The following CAPS2 variants were observed in gnomAD, a reference collection of about 807,000 sequenced individuals.
The protein encoded by CAPS2 is calcyphosin-2.
CAPS2 carries 98 observed loss-of-function variants against 86.5 expected under a neutral mutation model. The observed-to-expected ratio is 1.13, with a 90% CI of 0.96 to 1.34. The LOEUF (loss-of-function observed/expected upper bound fraction) is 1.34. CAPS2 is among the 40% of genes most tolerant of loss of function. The pLI is 0.00. For missense variants in CAPS2, 729 were observed against 686.8 expected (o/e 1.06, Z -0.69); for synonymous variants, 210 against 225.1 (o/e 0.93, Z 0.60).
chr12:75,277,129 G>T (rs1205580356), downstream of CAPS2: 1 of 982,190 alleles, frequency 1.0e-6, no homozygotes, highest in African/African-American at 1.8e-5. Context: ...AACCACATGT[G>T]AATGCTTATG....
intron 7 of CAPS2, among the ~76,000 whole-genome samples, chr12:75,311,190 G>A (rs986758158): frequency 6.6e-6 from 1 of 152,106 alleles, no homozygotes; most frequent in African/African-American, 2.4e-5. Flanking sequence ...ACCAGTAAGA[G>A]GCAAATGCAG....
At chr12:75,299,064 C>G in intron 9 of CAPS2, 98 bp from the exon 10 acceptor site, 1 of 746,632 alleles carries the variant, frequency 1.3e-6, no homozygotes, top group Non-Finnish European at 2.1e-6. Flanking sequence ...AGCTAACTCT[C>G]TTATGTATGT....
chr12:75,348,561 A>G (rs1463814575), intron 1 of CAPS2, among the ~76,000 whole-genome samples: 1 of 152,234 alleles, frequency 6.6e-6, no homozygotes, highest in African/African-American at 2.4e-5. Flanking sequence ...AAGGAGACTA[A>G]TCACAAGATT....
intron 1 of CAPS2, among the ~76,000 whole-genome samples, chr12:75,376,459 T>C (rs549843929): frequency 8.8e-4 from 134 of 152,288 alleles, no homozygotes; most frequent in African/African-American, 2.5e-3. Flanking sequence ...TTGAGTCTAA[T>C]TATAGGTCTA....
At chr12:75,356,191 T>G (rs569275793) in intron 1 of CAPS2, among the ~76,000 whole-genome samples, 41 of 152,238 alleles carry the variant, frequency 2.7e-4, no homozygotes, top group South Asian at 1.7e-3. Flanking sequence ...CCAGCAGATT[T>G]TTCAGTGGAC....
intron 7 of CAPS2, 61 bp downstream of exon 7, chr12:75,312,787 T>C: frequency 4.0e-6 from 4 of 1,009,100 alleles, no homozygotes; most frequent in South Asian, 2.6e-5. Flanking sequence ...ATGTCATGCA[T>C]GAAAATAAAT....
chr12:75,376,353 TTACA>T (rs2044647427), intron 1 of CAPS2, among the ~76,000 whole-genome samples: 1 of 152,338 alleles, frequency 6.6e-6, no homozygotes, highest in Non-Finnish European at 1.5e-5. Context: ...AGATTTCTGC[TTACA>T]TAAATTAGAA....
At chr12:75,366,125 T>C (rs933251983) in intron 1 of CAPS2, among the ~76,000 whole-genome samples, 1 of 152,214 alleles carries the variant, frequency 6.6e-6, no homozygotes, top group African/African-American at 2.4e-5. Context: ...GAAAAGCATG[T>C]GGGCTTATTA....
chr12:75,329,661 T>C (rs1213850298), upstream of CAPS2, among the ~76,000 whole-genome samples: 2 of 152,178 alleles, frequency 1.3e-5, no homozygotes, highest in Non-Finnish European at 2.9e-5. Context: ...TACAATTTAG[T>C]ATTTAAGCTA....
intron 1 of CAPS2, among the ~76,000 whole-genome samples, chr12:75,380,270 G>T (rs1343802011): frequency 6.6e-6 from 1 of 152,112 alleles, no homozygotes; most frequent in Non-Finnish European, 1.5e-5. Context: ...TTTTGAGATG[G>T]TTTGCTTAGT....
intron 6 of CAPS2, among the ~76,000 whole-genome samples, chr12:75,315,921 A>T (rs555605241): frequency 1.0e-3 from 153 of 152,242 alleles, no homozygotes; most frequent in Non-Finnish European, 1.7e-3. Flanking sequence ...TTCCTAAAAA[A>T]GAAAAATAAC....
intron 1 of CAPS2, among the ~76,000 whole-genome samples, chr12:75,384,145 A>G (rs1395380113): frequency 6.6e-6 from 1 of 152,198 alleles, no homozygotes; most frequent in African/African-American, 2.4e-5. Flanking sequence ...AAGTAAGCAG[A>G]AGAAATAATA....
At chr12:75,289,705 C>A in exon 14 of CAPS2, 2 of 1,613,060 alleles carry the variant, frequency 1.2e-6, no homozygotes, top group Non-Finnish European at 1.7e-6. Context: ...CCTTGTCCAA[C>A]TGTTGAAAAT....
exon 17 of CAPS2, chr12:75,278,165 A>G: frequency 1.0e-6 from 1 of 962,602 alleles, no homozygotes; most frequent in Non-Finnish European, 1.2e-6. Flanking sequence ...AAAGGATTAC[A>G]GTTAAAAAGC....
intron 5 of CAPS2, among the ~76,000 whole-genome samples, chr12:75,318,650 A>G (rs1357526424): frequency 6.6e-6 from 1 of 152,142 alleles, no homozygotes; most frequent in Non-Finnish European, 1.5e-5. Context: ...CTGTGATCCT[A>G]TACAAGCTGC....
chr12:75,324,252 G>C (rs535526576), intron 2 of CAPS2, among the ~76,000 whole-genome samples: 50 of 152,274 alleles, frequency 3.3e-4, no homozygotes, highest in Admixed American at 5.9e-4. Flanking sequence ...AGGTTAGCTA[G>C]AGATACAGAG....
intron 8 of CAPS2, among the ~76,000 whole-genome samples, chr12:75,302,945 A>G (rs899718673): frequency 1.3e-5 from 2 of 152,360 alleles, no homozygotes; most frequent in East Asian, 3.9e-4. Context: ...TTCAGCAACC[A>G]GTTGGGAAAG....
rs2042216779 is a variant in CAPS2, at chr12:75,342,967, T to TC, written c.-394-19746_-394-19745insG. Among the ~76,000 whole-genome samples the TC allele has an allele frequency of 2.0e-5, 3 of 151,860 alleles. No homozygotes were observed. In the South Asian group the frequency reaches 6.2e-4, roughly 31 times the overall value. On this transcript the variant is annotated intron_variant, in intron 1 of 5. Transcript: ENST00000551829. ...GAATATATAGATATATAATAGATTTTGCATATTTTCCTTGTATCTTTCAAC... is the reference window on the plus strand; with the variant it reads ...GAATATATAGATATATAATAGATTTTCGCATATTTTCCTTGTATCTTTCAAC...
intron 4 of CAPS2, chr12:75,322,901 G>A: frequency 1.2e-6 from 1 of 823,202 alleles, no homozygotes; most frequent in Non-Finnish European, 1.9e-6. Context: ...TTTAAACTTG[G>A]CAAAACATAG....
Sources: allele counts gnomAD v4.1 joint callset (sites outside exome capture counted in the v4.1 genomes callset), GRCh38; gene constraint gnomAD v4.1.1; transcripts MANE v1.5; gene names NCBI Gene and HGNC (gene_info 2026-07-23, HGNC 2026-07-21).